FKBP9: variants seen among roughly 807,000 people sequenced by gnomAD.
FKBP9 encodes the protein peptidyl-prolyl cis-trans isomerase FKBP9.
A neutral mutation model predicts 55.6 loss-of-function variants in FKBP9; 27 were observed. The observed-to-expected ratio is 0.49, with a 90% CI of 0.36 to 0.67. The LOEUF is 0.67. Among genes scored for constraint, FKBP9 ranks in the 30% least tolerant of loss-of-function variants. The pLI, the probability that FKBP9 is intolerant of heterozygous loss-of-function variation, is 0.00. For synonymous variants in FKBP9, 267 were observed against 296.5 expected (o/e 0.90, Z 1.02); for missense variants, 539 against 742.8 (o/e 0.73, Z 3.19).
chr7:32,981,896 C>CAA (rs535925227), intron 5 of FKBP9, among the ~76,000 whole-genome samples: 4 of 98,154 alleles, frequency 4.1e-5, no homozygotes, highest in African/African-American at 7.6e-5. Flanking sequence ...GACTCTGTCT[C>CAA]AAAAAAAAAA....
intron 6 of FKBP9, among the ~76,000 whole-genome samples, chr7:32,990,712 T>A (rs1583863866): frequency 6.6e-6 from 1 of 152,272 alleles, no homozygotes; most frequent in Non-Finnish European, 1.5e-5. Flanking sequence ...GGCTGCTCCC[T>A]CGCTTAGCAA....
chr7:32,978,623 G>T (rs1784409394), intron 4 of FKBP9, among the ~76,000 whole-genome samples: 1 of 152,034 alleles, frequency 6.6e-6, no homozygotes, highest in African/African-American at 2.4e-5. Flanking sequence ...CTCCCAAAGC[G>T]CTGGGATTAC....
chr7:32,977,158 A>G (rs1458618423), intron 4 of FKBP9, among the ~76,000 whole-genome samples: 3 of 152,266 alleles, frequency 2.0e-5, no homozygotes, highest in Non-Finnish European at 2.9e-5. Flanking sequence ...AGGAAAACAC[A>G]TAATATTGAC....
rs745809844 is a variant in FKBP9, at chr7:32,980,517, A to T, written c.857A>T (p.Asn286Ile). ...QSGDFLRYHYNGTLLDGTLFD... is the reference protein window; with the variant it reads ...QSGDFLRYHYIGTLLDGTLFD... ...GGGGACTTTCTCAGGTATCATTACA[A>T]TGGCACGCTTCTGGATGGCACCCTC... is the stretch of plus-strand genomic sequence containing the variant. Residue 286 changes from asparagine to isoleucine, a missense_variant, in exon 5 of 10, where the codon AAT (asparagine) becomes ATT (isoleucine). Physicochemically the swap from Asn to Ile is moderately radical, Grantham distance 149. Coordinates refer to ENST00000242209, the MANE Select transcript of FKBP9 (RefSeq NM_007270.5). 3.7e-6 allele frequency: 6 copies of T among 1,613,924 alleles called. No homozygotes were observed. The South Asian group carries it at 6.6e-5, about 18-fold the overall frequency.
At chr7:32,986,504 G>A (rs1562570557) in intron 5 of FKBP9, among the ~76,000 whole-genome samples, 1 of 152,218 alleles carries the variant, frequency 6.6e-6, no homozygotes, top group Non-Finnish European at 1.5e-5. Flanking sequence ...CTTCCCTGCT[G>A]TGTTCCCCTC....
intron 5 of FKBP9, among the ~76,000 whole-genome samples, chr7:32,984,794 T>G (rs1484658124): frequency 6.6e-6 from 1 of 152,200 alleles, no homozygotes; most frequent in Non-Finnish European, 1.5e-5. Context: ...TCCAGATGGT[T>G]AGCTAGTTTT....
intron 6 of FKBP9, among the ~76,000 whole-genome samples, chr7:32,989,765 C>A (rs1784647497): frequency 6.6e-6 from 1 of 152,026 alleles, no homozygotes; most frequent in South Asian, 2.1e-4. Context: ...AATATTCAGC[C>A]CCTCCAAGTA....
intron 1 of FKBP9, among the ~76,000 whole-genome samples, chr7:32,971,513 C>T (rs1307973142): frequency 6.6e-6 from 1 of 152,038 alleles, no homozygotes. Context: ...CAGGATCTCA[C>T]TCTGTCACCC....
At chr7:32,968,533 G>A (rs1221543840) in intron 1 of FKBP9, among the ~76,000 whole-genome samples, 1 of 151,208 alleles carries the variant, frequency 6.6e-6, no homozygotes, top group Non-Finnish European at 1.5e-5. Context: ...ATTCTAACAA[G>A]TGTGTGTGAG....
At chr7:32,960,807 G>C (rs186515286) in intron 1 of FKBP9, among the ~76,000 whole-genome samples, 2 of 152,222 alleles carry the variant, frequency 1.3e-5, no homozygotes, top group African/African-American at 2.4e-5. Context: ...AACATGGTGT[G>C]ATAAGTACAG....
At chr7:32,993,759 G>T (rs1214248935) in intron 6 of FKBP9, among the ~76,000 whole-genome samples, 1 of 151,706 alleles carries the variant, frequency 6.6e-6, no homozygotes, top group African/African-American at 2.4e-5. Flanking sequence ...GTTGCGGTGA[G>T]CTGAGAACAT....
rs143288321 is a variant in FKBP9, at chr7:32,973,923, C to T, written c.222-694C>T. 0.01 allele frequency among the ~76,000 whole-genome samples: 1,551 copies of T among 150,474 alleles called. 96 individuals carry two copies. In the East Asian group the frequency reaches 0.17, roughly 16 times the overall value. On this transcript the variant is annotated intron_variant, in intron 1 of 9. Coordinates refer to ENST00000242209, the MANE Select transcript of FKBP9 (RefSeq NM_007270.5). ...GCCAGGCTGGTTTCAAACTGCTGAC[C>T]TCAGGTGATCCACTCTCCTCGGCCT...
At chr7:32,998,302 A>C (rs1379457948) in intron 7 of FKBP9, among the ~76,000 whole-genome samples, 1 of 152,046 alleles carries the variant, frequency 6.6e-6, no homozygotes, top group East Asian at 1.9e-4. Flanking sequence ...GCTGATGTTC[A>C]TATTCCTGTC....
chr7:32,965,888 G>T (rs145317794), intron 1 of FKBP9, among the ~76,000 whole-genome samples: 11,853 of 97,816 alleles, frequency 0.12, 927 homozygotes, highest in Admixed American at 0.27. Context: ...TATATATAGA[G>T]AGAGAGAGAG....
chr7:32,974,338 A>G (rs1784316706), intron 1 of FKBP9, among the ~76,000 whole-genome samples: 1 of 143,976 alleles, frequency 6.9e-6, no homozygotes, highest in South Asian at 2.3e-4. Flanking sequence ...ATAGGTAACT[A>G]TTTTGCAAAA....
chr7:32,989,638 C>T (rs1279521815), intron 6 of FKBP9, among the ~76,000 whole-genome samples: 4 of 152,004 alleles, frequency 2.6e-5, no homozygotes, highest in Non-Finnish European at 5.9e-5. Context: ...CCAGGCTAGT[C>T]TCAAACTCCT....
chr7:32,965,343 C>T (rs563919612), intron 1 of FKBP9, among the ~76,000 whole-genome samples: 1 of 152,134 alleles, frequency 6.6e-6, no homozygotes, highest in South Asian at 2.1e-4. Context: ...GTTGCCCAGG[C>T]TGGTCTCGAA....
chr7:32,971,682 A>G (rs1414203941), intron 1 of FKBP9, among the ~76,000 whole-genome samples: 1 of 152,144 alleles, frequency 6.6e-6, no homozygotes, highest in African/African-American at 2.4e-5. Flanking sequence ...GGATTTCACA[A>G]TGTTGCCCAA....
intron 1 of FKBP9, among the ~76,000 whole-genome samples, chr7:32,972,703 A>G (rs192023922): frequency 6.0e-4 from 92 of 152,156 alleles, no homozygotes; most frequent in Non-Finnish European, 1.0e-3. Flanking sequence ...GTGATTTTAT[A>G]CTGTGTTAAC....
Sources: allele counts gnomAD v4.1 joint callset (sites outside exome capture counted in the v4.1 genomes callset), GRCh38; gene constraint gnomAD v4.1.1; transcripts MANE v1.5; gene names NCBI Gene and HGNC (gene_info 2026-07-23, HGNC 2026-07-21).